Variants in SKAP1 observed in about 807,000 individuals in gnomAD.
SKAP1 encodes the protein src kinase-associated phosphoprotein 1.
SKAP1 carries 44 observed loss-of-function variants against 58.5 expected under a neutral mutation model. The observed-to-expected ratio is 0.75, with a 90% CI of 0.59 to 0.97. SKAP1 has a LOEUF of 0.97. Among genes scored for constraint, SKAP1 ranks in the 50% least tolerant of loss-of-function variants. The pLI, the probability that SKAP1 is intolerant of heterozygous loss-of-function variation, is 0.00. For synonymous variants in SKAP1, 127 were observed against 149.7 expected (o/e 0.85, Z 1.11); for missense variants, 390 against 435.2 (o/e 0.90, Z 0.92).
At chr17:48,137,834 T>G (rs2063720141) in intron 11 of SKAP1, among the ~76,000 whole-genome samples, 1 of 152,244 alleles carries the variant, frequency 6.6e-6, no homozygotes, top group African/African-American at 2.4e-5. Flanking sequence ...TCAGACAGAC[T>G]GAGATCTAAT....
chr17:48,197,025 G>A (rs1032317747), intron 4 of SKAP1, among the ~76,000 whole-genome samples: 5 of 152,206 alleles, frequency 3.3e-5, no homozygotes, highest in African/African-American at 1.2e-4. Flanking sequence ...TTGGGAGGCC[G>A]AGGTGGGCAG....
intron 4 of SKAP1, among the ~76,000 whole-genome samples, chr17:48,338,507 T>C (rs1366623458): frequency 6.6e-6 from 1 of 152,114 alleles, no homozygotes; most frequent in Non-Finnish European, 1.5e-5. Flanking sequence ...CTAGATTAGG[T>C]TATTGCCAAC....
chr17:48,375,613 T>C (rs146342417), intron 2 of SKAP1, among the ~76,000 whole-genome samples: 164 of 152,264 alleles, frequency 1.1e-3, no homozygotes, highest in African/African-American at 3.8e-3. Context: ...CAAATCTCAC[T>C]AGTATGTCTA....
intron 4 of SKAP1, among the ~76,000 whole-genome samples, chr17:48,288,426 C>A (rs188365836): frequency 6.6e-6 from 1 of 152,322 alleles, no homozygotes; most frequent in Admixed American, 6.5e-5. Flanking sequence ...TGGCTCACAC[C>A]TGTAATCCCA....
intron 1 of SKAP1, among the ~76,000 whole-genome samples, chr17:48,429,416 T>C (rs1242395867): frequency 6.6e-6 from 1 of 152,106 alleles, no homozygotes; most frequent in African/African-American, 2.4e-5. Flanking sequence ...AGTTGGAAGG[T>C]GAACACACCA....
intron 1 of SKAP1, among the ~76,000 whole-genome samples, chr17:48,399,151 G>C (rs2067461618): frequency 6.6e-6 from 1 of 152,142 alleles, no homozygotes; most frequent in Non-Finnish European, 1.5e-5. Context: ...CAACATCCAA[G>C]CTCTGCATTG....
intron 11 of SKAP1, among the ~76,000 whole-genome samples, chr17:48,151,860 A>G (rs754239777): frequency 2.0e-4 from 30 of 152,194 alleles, no homozygotes; most frequent in Non-Finnish European, 4.0e-4. Flanking sequence ...TTTTAGCAAT[A>G]TTAATGTTTC....
At chr17:48,208,696 A>G (rs2064836794) in intron 4 of SKAP1, among the ~76,000 whole-genome samples, 2 of 152,256 alleles carry the variant, frequency 1.3e-5, no homozygotes, top group Admixed American at 1.3e-4. Context: ...TGAACAGTTT[A>G]CACCAACAAA....
intron 3 of SKAP1, among the ~76,000 whole-genome samples, chr17:48,360,122 TAA>T (rs1255838416): frequency 4.6e-5 from 7 of 152,206 alleles, no homozygotes; most frequent in Non-Finnish European, 8.8e-5. Flanking sequence ...ACCACAAATG[TAA>T]TGTGAGTGAC....
intron 4 of SKAP1, among the ~76,000 whole-genome samples, chr17:48,195,802 T>A (rs1297562879): frequency 6.6e-6 from 1 of 152,184 alleles, no homozygotes; most frequent in Non-Finnish European, 1.5e-5. Context: ...TAGACTCATG[T>A]TGCCCTTCTA....
chr17:48,214,686 C>T (rs1429393014), intron 4 of SKAP1, among the ~76,000 whole-genome samples: 1 of 150,052 alleles, frequency 6.7e-6, no homozygotes, highest in Non-Finnish European at 1.5e-5. Context: ...TTTTGGGAGG[C>T]TGAGGCAGGC....
At chr17:48,319,624 C>T (rs1353347196) in intron 4 of SKAP1, among the ~76,000 whole-genome samples, 7 of 152,114 alleles carry the variant, frequency 4.6e-5, no homozygotes. Context: ...GTGGGTGGAT[C>T]ACTGGAGCCC....
At chr17:48,334,710 A>T (rs1406170860) in intron 4 of SKAP1, among the ~76,000 whole-genome samples, 1 of 151,932 alleles carries the variant, frequency 6.6e-6, no homozygotes, top group African/African-American at 2.4e-5. Flanking sequence ...ATTATTTTTT[A>T]AAAATACATA....
intron 8 of SKAP1, among the ~76,000 whole-genome samples, chr17:48,180,467 A>G (rs2064353438): frequency 6.6e-6 from 1 of 152,208 alleles, no homozygotes; most frequent in African/African-American, 2.4e-5. Context: ...CATCAACATA[A>G]ATCCTTCCTT....
chr17:48,179,098 A>G (rs1263642079), intron 9 of SKAP1, among the ~76,000 whole-genome samples: 3 of 152,244 alleles, frequency 2.0e-5, no homozygotes, highest in Non-Finnish European at 4.4e-5. Context: ...CCCTGTCTTC[A>G]GGGACTTGAG....
chr17:48,329,666 CA>C (rs2066480368), intron 4 of SKAP1, among the ~76,000 whole-genome samples: 1 of 152,156 alleles, frequency 6.6e-6, no homozygotes, highest in Non-Finnish European at 1.5e-5. Context: ...GAGATCGGGC[CA>C]TTGCACTCCA....
At chr17:48,169,109 G>GT (rs11361596) in intron 10 of SKAP1, among the ~76,000 whole-genome samples, 19 of 149,284 alleles carry the variant, frequency 1.3e-4, no homozygotes, top group African/African-American at 3.9e-4. Context: ...GGAACAAAAG[G>GT]TTTTTTTTTT....
intron 9 of SKAP1, among the ~76,000 whole-genome samples, chr17:48,177,630 C>T (rs1056099233): frequency 6.6e-6 from 1 of 151,962 alleles, no homozygotes; most frequent in Non-Finnish European, 1.5e-5. Flanking sequence ...AGTGTTAGGC[C>T]CCCTCACATT....
intron 4 of SKAP1, among the ~76,000 whole-genome samples, chr17:48,310,058 A>G (rs1421798273): frequency 6.6e-6 from 1 of 152,248 alleles, no homozygotes. Flanking sequence ...ATATGGTTGC[A>G]TTACCAAAAG....
Sources: gnomAD v4.1 joint callset for allele counts (sites outside exome capture counted in the v4.1 genomes callset) on GRCh38, gnomAD v4.1.1 for gene constraint, MANE v1.5 for transcripts, NCBI Gene and HGNC (gene_info 2026-07-23, HGNC 2026-07-21) for gene names.